MCC: variants seen among roughly 807,000 people sequenced by gnomAD.
MCC encodes colorectal mutant cancer protein.
A neutral mutation model predicts 116.2 loss-of-function variants in MCC; 90 were observed. That is an observed-to-expected ratio of 0.77 (90% CI 0.65 to 0.92). The LOEUF (loss-of-function observed/expected upper bound fraction) is 0.92, where lower values mean the gene tolerates loss of function less well. Ranked by LOEUF, MCC falls within the 40% of genes least tolerant of loss-of-function variation. The pLI, the probability that MCC is intolerant of heterozygous loss-of-function variation, is 0.00. For synonymous variants in MCC, 578 were observed against 510.5 expected (o/e 1.13, Z -1.78); for missense variants, 1,516 against 1,312.2 (o/e 1.16, Z -2.40).
chr5:113,447,633 T>A (rs1771260657), intron 1 of MCC, among the ~76,000 whole-genome samples: 1 of 152,226 alleles, frequency 6.6e-6, no homozygotes. Context: ...GCTCATTCCC[T>A]AAGGATTTTT....
intron 3 of MCC, among the ~76,000 whole-genome samples, chr5:113,240,520 C>T (rs1397395872): frequency 6.6e-6 from 1 of 152,178 alleles, no homozygotes; most frequent in Non-Finnish European, 1.5e-5. Flanking sequence ...ATGATATCCA[C>T]TCTAGCATAT....
chr5:113,275,727 A>G (rs1416369971), intron 3 of MCC, among the ~76,000 whole-genome samples: 1 of 152,228 alleles, frequency 6.6e-6, no homozygotes, highest in Non-Finnish European at 1.5e-5. Flanking sequence ...ATTAGCTATT[A>G]TAAGTAACTA....
chr5:113,036,253 G>A (rs187694140), intron 17 of MCC, among the ~76,000 whole-genome samples: 6 of 152,078 alleles, frequency 3.9e-5, no homozygotes, highest in African/African-American at 1.4e-4. Flanking sequence ...GGCCAGGCCA[G>A]TCTTGAATTC....
chr5:113,286,915 A>G (rs1766284348), intron 3 of MCC, among the ~76,000 whole-genome samples: 1 of 152,210 alleles, frequency 6.6e-6, no homozygotes, highest in African/African-American at 2.4e-5. Context: ...TCAACAAGAG[A>G]AAAAGGACAT....
chr5:113,385,072 A>G lies in MCC; in HGVS notation c.311T>C (p.Ile104Thr). ...AGAAAGATCTACTTCCTCCTTCCTA[A>G]TTTCTCGAACAAGCTGCATGCGGCA... ...TRCRMQLVRE[I>T]RKEEVDLSAK... Residue 104 changes from isoleucine (I) to threonine (T), a missense_variant, in exon 2 of 19, where the codon ATT becomes ACT. By Grantham distance (89) the Ile-to-Thr change is moderately conservative (BLOSUM62 -1). Coordinates refer to ENST00000408903, the MANE Select transcript of MCC (RefSeq NM_001085377.2). 2 of 1,614,148 alleles carry G rather than the reference A, an allele frequency of 1.2e-6. No homozygotes were observed. Among genetic ancestry groups the G allele is most frequent in the Non-Finnish European group, 1.7e-6 (2 of 1,180,044 alleles).
At chr5:113,035,669 TCTC>T (rs887254655) in intron 17 of MCC, among the ~76,000 whole-genome samples, 54 of 152,106 alleles carry the variant, frequency 3.6e-4, no homozygotes, top group African/African-American at 1.3e-3. Context: ...ATTCTGCCTC[TCTC>T]CTCCTCATCT....
chr5:113,113,100 C>T (rs1027960324), intron 6 of MCC, among the ~76,000 whole-genome samples: 5 of 152,184 alleles, frequency 3.3e-5, no homozygotes, highest in African/African-American at 1.2e-4. Flanking sequence ...TGAGGGCCAG[C>T]GCACACCACC....
In MCC at chr5:113,300,837, G is replaced by A. The variant is rs183844068; in HGVS notation, c.627+39682C>T. 2.2e-4 allele frequency among the ~76,000 whole-genome samples: 34 copies of A among 152,214 alleles called. No homozygotes were observed. In the East Asian group the frequency reaches 6.0e-3, roughly 27 times the overall value. On this transcript the variant is annotated intron_variant, in intron 3 of 18. Coordinates refer to ENST00000408903, the MANE Select transcript of MCC (RefSeq NM_001085377.2). ...CAGCCTCAATGGCCTGCCCCATAAC[G>A]GACATCATTTGCTCAAGGAACTACA...
chr5:113,246,770 C>T (rs975714001), intron 3 of MCC, among the ~76,000 whole-genome samples: 10 of 152,196 alleles, frequency 6.6e-5, no homozygotes, highest in Non-Finnish European at 1.3e-4. Flanking sequence ...TTCTGTAAAG[C>T]ACTCTACTCT....
intron 3 of MCC, among the ~76,000 whole-genome samples, chr5:113,271,372 A>G (rs563283948): frequency 6.6e-6 from 1 of 152,336 alleles, no homozygotes; most frequent in African/African-American, 2.4e-5. Flanking sequence ...CAAGTCTGGA[A>G]CCAGAAAACA....
At chr5:113,155,817 G>T (rs960894292) in intron 3 of MCC, among the ~76,000 whole-genome samples, 12 of 152,188 alleles carry the variant, frequency 7.9e-5, no homozygotes, top group African/African-American at 2.9e-4. Flanking sequence ...ATACTCAGGA[G>T]TCAGATGCTG....
At chr5:113,327,561 A>AAAAAAAT (rs1480996383) in intron 3 of MCC, among the ~76,000 whole-genome samples, 20 of 80,556 alleles carry the variant, frequency 2.5e-4, no homozygotes, top group African/African-American at 3.0e-4. Context: ...AAAAAAAAAA[A>AAAAAAAT]ATATATATAT....
chr5:113,252,872 A>G (rs980842190), intron 3 of MCC, among the ~76,000 whole-genome samples: 2 of 152,248 alleles, frequency 1.3e-5, no homozygotes, highest in African/African-American at 4.8e-5. Flanking sequence ...TGTATATGTC[A>G]TAACCTCTCT....
chr5:113,423,353 T>C (rs1770391711), intron 1 of MCC, among the ~76,000 whole-genome samples: 1 of 152,164 alleles, frequency 6.6e-6, no homozygotes, highest in Non-Finnish European at 1.5e-5. Flanking sequence ...GAATCAACAA[T>C]CTATATTAAA....
chr5:113,402,272 C>A (rs1191323596), intron 1 of MCC, among the ~76,000 whole-genome samples: 1 of 132,488 alleles, frequency 7.5e-6, no homozygotes, highest in African/African-American at 3.0e-5. Context: ...CCAGCCTGGG[C>A]AACAGAGCCA....
At chr5:113,139,534 C>A (rs1186723344) in intron 5 of MCC, among the ~76,000 whole-genome samples, 1 of 152,042 alleles carries the variant, frequency 6.6e-6, no homozygotes, top group Non-Finnish European at 1.5e-5. Context: ...TAGAGAAATG[C>A]AAATCAAAAA....
chr5:113,219,350 G>C (rs748585781), intron 3 of MCC, among the ~76,000 whole-genome samples: 67 of 152,202 alleles, frequency 4.4e-4, no homozygotes, highest in Admixed American at 1.6e-3. Context: ...GGGGGGCCCT[G>C]AACTCCTGTG....
chr5:113,409,694 A>G (rs1769927786), intron 1 of MCC, among the ~76,000 whole-genome samples: 1 of 152,130 alleles, frequency 6.6e-6, no homozygotes, highest in Non-Finnish European at 1.5e-5. Context: ...GATAATTCTT[A>G]CCAATTAAGA....
chr5:113,212,040 G>C (rs1051042520), intron 3 of MCC, among the ~76,000 whole-genome samples: 2 of 152,150 alleles, frequency 1.3e-5, no homozygotes, highest in Non-Finnish European at 2.9e-5. Flanking sequence ...TAAGATCCCA[G>C]ACAATTATAG....
Sources: gnomAD v4.1 joint callset for allele counts (sites outside exome capture counted in the v4.1 genomes callset) on GRCh38, gnomAD v4.1.1 for gene constraint, MANE v1.5 for transcripts, NCBI Gene and HGNC (gene_info 2026-07-23, HGNC 2026-07-21) for gene names.